Variants in PPFIA2 observed in about 807,000 individuals in gnomAD.
PPFIA2 encodes the protein PPFI scaffold protein A2, also known as liprin-alpha-2.
PPFIA2 carries 46 observed loss-of-function variants against 175.5 expected under a neutral mutation model. The ratio of observed to expected loss-of-function variants is 0.26; its 90% CI spans 0.21 to 0.34. The LOEUF (loss-of-function observed/expected upper bound fraction) is 0.34. PPFIA2 is among the 10% of genes least tolerant of loss of function. PPFIA2 has a pLI of 1.00. For synonymous variants in PPFIA2, 568 were observed against 511.4 expected, an observed-to-expected ratio of 1.11 and a Z score of -1.49; for missense variants, 1,179 against 1,506.1, an observed-to-expected ratio of 0.78 and a Z score of 3.60.
chr12:81,325,757 G>T lies in PPFIA2; in HGVS notation c.2642+20C>A. ...GAATTGATAAAAGTTAGAAAAAGAG[G>T]GAAAAATCCCCAAACCTACTTTTTC... On this transcript the variant is annotated intron_variant, in intron 22 of 32. Transcript: ENST00000549396. 6.4e-7 allele frequency: 1 copy of T among 1,561,718 alleles called. No individual in the cohort carries two copies. The highest frequency in any genetic ancestry group is 8.8e-7 in the Non-Finnish European group (1 of 1,134,340).
chr12:81,610,698 G>A (rs992988991), intron 4 of PPFIA2, among the ~76,000 whole-genome samples: 3 of 152,100 alleles, frequency 2.0e-5, no homozygotes, highest in African/African-American at 4.8e-5. Context: ...GATTCTTGCC[G>A]TCCAGATTCT....
chr12:81,548,957 T>C (rs945116842), intron 4 of PPFIA2, among the ~76,000 whole-genome samples: 2 of 152,164 alleles, frequency 1.3e-5, no homozygotes, highest in African/African-American at 4.8e-5. Context: ...AAAGACAATA[T>C]TTGTGTTATT....
intron 3 of PPFIA2, among the ~76,000 whole-genome samples, chr12:81,712,730 T>A (rs769824761): frequency 4.1e-5 from 6 of 147,376 alleles, no homozygotes; most frequent in Non-Finnish European, 9.0e-5. Context: ...ATAAAAGGAT[T>A]TTTTTTTTTA....
chr12:81,666,244 A>G (rs2070241921), intron 4 of PPFIA2, among the ~76,000 whole-genome samples: 1 of 152,208 alleles, frequency 6.6e-6, no homozygotes, highest in African/African-American at 2.4e-5. Flanking sequence ...TGTTTGACCC[A>G]GCCATCCCAT....
chr12:81,431,880 C>T (rs1474860637), intron 7 of PPFIA2, among the ~76,000 whole-genome samples: 2 of 152,160 alleles, frequency 1.3e-5, no homozygotes, highest in East Asian at 3.9e-4. Flanking sequence ...CTGCCTCTCT[C>T]TGTCACCTCC....
chr12:81,369,390 C>A lies in PPFIA2; in HGVS notation c.1267-196G>T, dbSNP rs1173432706. The stretch of plus-strand genomic sequence containing the variant: ...GCTACAAAGGCCTGTTACATCCAAG[C>A]ATCAGCAAAACATTGGAGTTATTTA... On this transcript the variant is annotated intron_variant, in intron 11 of 32. Coordinates refer to ENST00000549396, the MANE Select transcript of PPFIA2 (RefSeq NM_003625.5). 4.2e-6 allele frequency: 6 copies of A among 1,430,808 alleles called. No homozygotes were observed. The African/African-American group carries it at 7.2e-5, about 17-fold the overall frequency. 88.6% of individuals were successfully genotyped at this position (1,430,808 alleles called of 1,614,324 possible).
intron 3 of PPFIA2, among the ~76,000 whole-genome samples, chr12:81,677,213 T>A (rs2153570706): frequency 7.3e-6 from 1 of 137,752 alleles, no homozygotes; most frequent in East Asian, 2.0e-4. Context: ...AATATTTAAT[T>A]TTTTTTTATT....
chr12:81,514,259 A>T (rs12819207), intron 4 of PPFIA2, among the ~76,000 whole-genome samples: 22,982 of 151,876 alleles, frequency 0.15, 2,165 homozygotes, highest in East Asian at 0.23. Context: ...CCTTACCCAC[A>T]TGTGAACATC....
chr12:81,367,993 C>T, intron 13 of PPFIA2: 1 of 689,438 alleles, frequency 1.5e-6, no homozygotes, highest in South Asian at 1.6e-5. Flanking sequence ...AAAACATTTT[C>T]CCTATTTTGG....
At chr12:81,302,733 C>A in intron 22 of PPFIA2, 1 of 446,330 alleles carries the variant, frequency 2.2e-6, no homozygotes, top group Non-Finnish European at 4.5e-6. Flanking sequence ...AAAAGAACAG[C>A]ATTGAAATTT....
chr12:81,724,839 A>G (rs968383477), intron 3 of PPFIA2, among the ~76,000 whole-genome samples: 1 of 151,032 alleles, frequency 6.6e-6, no homozygotes, highest in African/African-American at 2.4e-5. Context: ...CTTTGGGTAG[A>G]TAGCCAGTGG....
chr12:81,736,943 C>A (rs895427368), intron 3 of PPFIA2, among the ~76,000 whole-genome samples: 1 of 151,910 alleles, frequency 6.6e-6, no homozygotes, highest in Non-Finnish European at 1.5e-5. Flanking sequence ...GGGGGTCTCA[C>A]TTTGTTGCCC....
At chr12:81,720,716 G>T (rs1204561801) in intron 3 of PPFIA2, among the ~76,000 whole-genome samples, 1 of 151,298 alleles carries the variant, frequency 6.6e-6, no homozygotes. Flanking sequence ...CTTATCAATT[G>T]TCCCTTAGTT....
chr12:81,623,118 G>T (rs2062260216), intron 4 of PPFIA2, among the ~76,000 whole-genome samples: 1 of 151,982 alleles, frequency 6.6e-6, no homozygotes, highest in Admixed American at 6.6e-5. Flanking sequence ...ACAAAAAGCA[G>T]GCATAATAAT....
chr12:81,567,480 T>G (rs1326366988), intron 4 of PPFIA2, among the ~76,000 whole-genome samples: 1 of 152,180 alleles, frequency 6.6e-6, no homozygotes, highest in African/African-American at 2.4e-5. Context: ...GTCAAAAATA[T>G]GAAGCATGTG....
intron 24 of PPFIA2, among the ~76,000 whole-genome samples, chr12:81,287,714 A>T (rs2043822515): frequency 6.6e-6 from 1 of 151,900 alleles, no homozygotes; most frequent in African/African-American, 2.4e-5. Flanking sequence ...AGGGGATGGA[A>T]CTTGCATCTA....
At chr12:81,712,377 CT>C (rs1413805320) in intron 3 of PPFIA2, among the ~76,000 whole-genome samples, 1 of 151,152 alleles carries the variant, frequency 6.6e-6, no homozygotes, top group East Asian at 2.0e-4. Context: ...CAAAGAGAAC[CT>C]CACAAAGAAT....
Position 81,259,292 on chromosome 12 carries a change from T to A in PPFIA2, c.*402A>T, listed in dbSNP as rs931386101. Reference sequence around the variant, plus strand: ...TCCATGAACCATATATTTTATTTTTTAAAAAATCATATTTATATCCATTTA... The same window carrying A: ...TCCATGAACCATATATTTTATTTTTAAAAAAATCATATTTATATCCATTTA... On this transcript the variant is annotated 3_prime_UTR_variant, in exon 33 of 33. Transcript: ENST00000549396. The A allele has an allele frequency of 6.7e-5, 25 of 372,316 alleles. No homozygotes were observed. The highest frequency in any genetic ancestry group is 7.6e-5 in the Non-Finnish European group (15 of 197,744). The allele number at this position is 372,316 out of a possible 1,614,324, so 23.1% of individuals were successfully genotyped here. A position where few individuals can be genotyped will look rare whatever the true frequency, so the allele number is the denominator to read the frequency against.
chr12:81,553,929 C>T (rs1180119323), intron 4 of PPFIA2, among the ~76,000 whole-genome samples: 1 of 151,870 alleles, frequency 6.6e-6, no homozygotes, highest in Non-Finnish European at 1.5e-5. Flanking sequence ...TGACTTGGAA[C>T]CAGATTAAGA....
Sources: gnomAD v4.1 joint callset for allele counts (sites outside exome capture counted in the v4.1 genomes callset) on GRCh38, gnomAD v4.1.1 for gene constraint, MANE v1.5 for transcripts, NCBI Gene and HGNC (gene_info 2026-07-23, HGNC 2026-07-21) for gene names.